PSMA7: variants seen among roughly 807,000 people sequenced by gnomAD.
PSMA7 encodes proteasome 20S subunit alpha 7.
In PSMA7, 5 loss-of-function variants were observed where a neutral mutation model predicts 31.3. The ratio of observed to expected loss-of-function variants is 0.16; its 90% CI spans 0.08 to 0.34. The LOEUF (loss-of-function observed/expected upper bound fraction) is 0.34. PSMA7 is among the 10% of genes least tolerant of loss of function. PSMA7 has a pLI of 1.00. For missense variants in PSMA7, 217 were observed against 327.5 expected (o/e 0.66, Z 2.60); for synonymous variants, 155 against 121.9 (o/e 1.27, Z -1.79).
intron 2 of PSMA7, 143 bp from the exon 3 acceptor site, chr20:62,140,048 A>T: frequency 8.6e-7 from 1 of 1,166,186 alleles, no homozygotes; most frequent in Non-Finnish European, 1.2e-6. Context: ...AGCGGAACCT[A>T]TCAGCCCCTG....
chr20:62,143,053 G>A (rs2056948185), intron 1 of PSMA7, 155 bp downstream of exon 1: 2 of 220,360 alleles, frequency 9.1e-6, no homozygotes, highest in Non-Finnish European at 1.5e-5. Context: ...ACCGGCAGCG[G>A]GGCCCGCGCT....
intron 1 of PSMA7, among the ~76,000 whole-genome samples, chr20:62,141,525 T>A (rs56907946): frequency 1.8e-4 from 27 of 152,336 alleles, no homozygotes; most frequent in African/African-American, 6.5e-4. Context: ...TTTCAAATAC[T>A]GAGATGTAGT....
In PSMA7 at chr20:62,139,916, A is replaced by G; in HGVS notation, c.224-11T>C. On this transcript the variant is annotated splice_polypyrimidine_tract_variant and intron_variant, in intron 2 of 6. Transcript: ENST00000370873. ...CATCGGCGGTGAGGCCTGCAAGGAA[A>G]GCAGAGAGGCTTCTGCTAGAGAGAC... The G allele has an allele frequency of 2.5e-6, 4 of 1,612,438 alleles. No homozygotes were observed. Among genetic ancestry groups the G allele is most frequent in the Non-Finnish European group, 3.4e-6 (4 of 1,179,588 alleles).
chr20:62,137,523 A>C, intron 5 of PSMA7, 97 bp from the exon 6 acceptor site: 1 of 1,156,506 alleles, frequency 8.6e-7, no homozygotes, highest in Non-Finnish European at 1.3e-6. Context: ...ACCCAAACCC[A>C]GCACCGTCCC....
Position 62,136,946 on chromosome 20 carries a change from A to C in PSMA7, c.658T>G (p.Leu220Val), listed in dbSNP as rs757246374. ...VMRRDQSLKI[L>V]NPEEIEKYVA... The stretch of plus-strand genomic sequence containing the variant: ...TACTTCTCAATTTCTTCAGGATTTA[A>C]AATCTATAGAAAAAAACTTCATGGT... The change falls in exon 7 of 7, where the codon TTA (leucine) becomes GTA (valine). Residue 220 changes from leucine (L) to valine (V), a missense_variant. Physicochemically the swap from Leu to Val is conservative, Grantham distance 32. Transcript: ENST00000370873. 6.3e-7 allele frequency: 1 copy of C among 1,597,384 alleles called. No individual in the cohort carries two copies. Among genetic ancestry groups the C allele is most frequent in the African/African-American group, 1.4e-5 (1 of 73,604 alleles).
Position 62,143,258 on chromosome 20 carries a change from G to C in PSMA7, c.46C>G (p.Leu16Val). ...TCCTGCGCGTACTCCACTTGGAAGA[G>C]GTGGCCGTCGGGCGAGAAGACGGTG... ...AITVFSPDGHLFQVEYAQEAV... is the reference protein window; with the variant it reads ...AITVFSPDGHVFQVEYAQEAV... Residue 16 changes from leucine (L) to valine (V), a missense_variant, in exon 1 of 7, where the codon CTC (leucine) becomes GTC (valine). Around this residue, in one of 3 missense-constraint regions of PSMA7, gnomAD observed 76 missense variants for 96.5 expected, o/e 0.79. Transcript: ENST00000370873. The C allele has an allele frequency of 6.8e-7, 1 of 1,480,336 alleles. No homozygotes were observed. The highest frequency in any genetic ancestry group is 9.0e-7 in the Non-Finnish European group (1 of 1,109,036). 91.7% of individuals were successfully genotyped at this position (1,480,336 alleles called of 1,614,324 possible). A position where few individuals can be genotyped will look rare whatever the true frequency, so the allele number is the denominator to read the frequency against.
intron 6 of PSMA7, 29 bp from the exon 7 acceptor site, chr20:62,136,978 A>C: frequency 6.3e-7 from 1 of 1,593,318 alleles, no homozygotes. Context: ...TGGTTACCTA[A>C]GCCACACAAG....
At chr20:62,137,270 G>A in intron 6 of PSMA7, 94 bp downstream of exon 6, 2 of 1,243,460 alleles carry the variant, frequency 1.6e-6, no homozygotes, top group South Asian at 1.2e-5. Context: ...ACCACAGAAT[G>A]GCCCTATGAT....
intron 5 of PSMA7, 65 bp from the exon 6 acceptor site, chr20:62,137,491 G>C (rs1450221126): frequency 6.7e-7 from 1 of 1,501,960 alleles, no homozygotes; most frequent in Admixed American, 1.7e-5. Flanking sequence ...GCAGCTCTCA[G>C]GAGTACCTTA....
chr20:62,143,232 C>T lies in PSMA7; in HGVS notation c.72G>A (p.Glu24=). 1.4e-6 allele frequency: 2 copies of T among 1,463,782 alleles called. No individual in the cohort carries two copies. Among genetic ancestry groups the T allele is most frequent in the Non-Finnish European group, 1.8e-6 (2 of 1,102,644 alleles). The allele number at this position is 1,463,782 out of a possible 1,614,324, so 90.7% of individuals were successfully genotyped here. ...CCGCGGTCGAGCCCTTCTTGACGGCCTCCTGCGCGTACTCCACTTGGAAGA... is the reference window on the plus strand; with the variant it reads ...CCGCGGTCGAGCCCTTCTTGACGGCTTCCTGCGCGTACTCCACTTGGAAGA... ...GHLFQVEYAQ[E]AVKKGSTAVG... is the part of the protein sequence containing the mutation. The change falls in exon 1 of 7, where the codon GAG becomes GAA. Residue 24 remains glutamate, a synonymous_variant. Transcript: ENST00000370873.
chr20:62,138,968 C>A, intron 4 of PSMA7, 107 bp downstream of exon 4: 1 of 1,412,572 alleles, frequency 7.1e-7, no homozygotes. Context: ...TTAACTTAAA[C>A]TGACTCATTC....
In PSMA7 at chr20:62,138,948, T is replaced by C. The variant is rs553664022; in HGVS notation, c.471+127A>G. 180 of 1,252,208 alleles carry C rather than the reference T, an allele frequency of 1.4e-4. No individual in the cohort carries two copies. The highest frequency in any genetic ancestry group is 1.9e-4 in the Non-Finnish European group (174 of 909,674). 77.6% of individuals were successfully genotyped at this position (1,252,208 alleles called of 1,614,324 possible). On this transcript the variant is annotated intron_variant, in intron 4 of 6. Coordinates refer to ENST00000370873, the MANE Select transcript of PSMA7 (RefSeq NM_002792.4). ...ATGTTTAATCATTTTCTTGCTCTCA[T>C]AGGACTAGGTTAACTTAAACTGACT...
chr20:62,142,324 A>G (rs1429596955), intron 1 of PSMA7, among the ~76,000 whole-genome samples: 1 of 152,182 alleles, frequency 6.6e-6, no homozygotes, highest in African/African-American at 2.4e-5. Context: ...GCTGAGTTAG[A>G]TCACCTGATG....
chr20:62,140,850 G>A lies in PSMA7; in HGVS notation c.191C>T (p.Ala64Val). 6.2e-7 allele frequency: 1 copy of A among 1,614,230 alleles called. No individual in the cohort carries two copies. The highest frequency in any genetic ancestry group is 8.5e-7 in the Non-Finnish European group (1 of 1,180,042). The change falls in exon 2 of 7, where the codon GCT becomes GTT. Residue 64 changes from alanine to valine, a missense_variant. Physicochemically the swap from Ala to Val is moderately conservative, Grantham distance 64 (BLOSUM62 0). Around this residue, in one of 3 missense-constraint regions of PSMA7, gnomAD observed 76 missense variants for 96.5 expected, o/e 0.79. Coordinates refer to ENST00000370873, the MANE Select transcript of PSMA7 (RefSeq NM_002792.4). ...GGCCATGCAGACGTTGTCATCCAAAGCACAGATCTTCCGCACTGTTCTTTC... is the reference window on the plus strand; with the variant it reads ...GGCCATGCAGACGTTGTCATCCAAAACACAGATCTTCCGCACTGTTCTTTC... ...QDERTVRKIC[A>V]LDDNVCMAFA...
chr20:62,143,079 CCGCCCGCGCCGCTGCCCCG>C, intron 1 of PSMA7, 110 bp downstream of exon 1: 1 of 374,600 alleles, frequency 2.7e-6, no homozygotes, highest in Non-Finnish European at 3.7e-6. Context: ...ACAGCCCTGA[CCGCCCGCGCCGCTGCCCCG>C]CGCACGCCCG....
At chr20:62,140,540 A>G (rs1224909182) in intron 2 of PSMA7, among the ~76,000 whole-genome samples, 1 of 152,214 alleles carries the variant, frequency 6.6e-6, no homozygotes, top group African/African-American at 2.4e-5. Flanking sequence ...CTTTCTCTAG[A>G]TTGTAACTGA....
At position 62,138,909 on chromosome 20, in the gene PSMA7, T is replaced by C. The variant is rs1157336390; in HGVS notation, c.471+166A>G. 2.0e-5 allele frequency among the ~76,000 whole-genome samples: 3 copies of C among 152,352 alleles called. No homozygotes were observed. The East Asian group carries it at 5.8e-4, about 29-fold the overall frequency. On this transcript the variant is annotated intron_variant, in intron 4 of 6. Transcript: ENST00000370873. ...CTTACACCTTGCTGCCCTTTGATTT[T>C]CTTCCAAACAGCAATGTTTAATCAT...
chr20:62,139,717 C>G, intron 3 of PSMA7, 64 bp downstream of exon 3: 1 of 1,612,764 alleles, frequency 6.2e-7, no homozygotes, highest in Non-Finnish European at 8.5e-7. Flanking sequence ...TGGCAGGACC[C>G]TCCATGGCGG....
At chr20:62,137,497 C>T (rs756763297) in intron 5 of PSMA7, 71 bp from the exon 6 acceptor site, 9 of 1,440,278 alleles carry the variant, frequency 6.2e-6, no homozygotes, top group Non-Finnish European at 7.8e-6. Context: ...CTCAGGAGTA[C>T]CTTAAATAGG....
Sources: allele counts gnomAD v4.1 joint callset (sites outside exome capture counted in the v4.1 genomes callset), GRCh38; gene constraint gnomAD v4.1.1; regional missense constraint gnomAD v4.1.1; transcripts MANE v1.5; gene names NCBI Gene and HGNC (gene_info 2026-07-23, HGNC 2026-07-21).